Variants in KRIT1 observed in about 807,000 individuals in gnomAD.
KRIT1 encodes KRIT1 ankyrin repeat containing.
KRIT1 carries 45 observed loss-of-function variants against 95.8 expected under a neutral mutation model. That is an observed-to-expected ratio of 0.47 (90% CI 0.37 to 0.60). The LOEUF (loss-of-function observed/expected upper bound fraction) is 0.60. Ranked by LOEUF, KRIT1 falls within the 20% of genes least tolerant of loss-of-function variation. KRIT1 has a pLI of 0.00. For synonymous variants in KRIT1, 282 were observed against 278.8 expected (o/e 1.01, Z -0.11); for missense variants, 788 against 877.5 (o/e 0.90, Z 1.29).
At chr7:92,243,726 CTAAGAT>C (rs1207962754) in intron 3 of KRIT1, among the ~76,000 whole-genome samples, 15 of 151,588 alleles carry the variant, frequency 9.9e-5, no homozygotes, top group African/African-American at 3.6e-4. Context: ...AAACTTTAGC[CTAAGAT>C]TAAAACAACC....
chr7:92,233,496 T>C (rs942117792), intron 10 of KRIT1, among the ~76,000 whole-genome samples: 18 of 151,110 alleles, frequency 1.2e-4, no homozygotes, highest in Non-Finnish European at 8.8e-5. Context: ...AATCTCTGCC[T>C]CCCTGGTTCA....
chr7:92,234,938 C>G lies in KRIT1; in HGVS notation c.730-15G>C, dbSNP rs372964375. The G allele has an allele frequency of 2.3e-5, 28 of 1,197,632 alleles. No individual in the cohort carries two copies. The highest frequency in any genetic ancestry group is 3.1e-5 in the Non-Finnish European group (25 of 800,396). 74.2% of individuals were successfully genotyped at this position (1,197,632 alleles called of 1,614,324 possible). On this transcript the variant is annotated splice_polypyrimidine_tract_variant and intron_variant, in intron 8 of 18. Coordinates refer to ENST00000394505, the MANE Select transcript of KRIT1 (RefSeq NM_194454.3). ...ACTTTATCTACCTAGAAAGGGAAAA[C>G]AATAACAAAAACCCATTAAGAGCTT... is the stretch of plus-strand genomic sequence containing the variant.
intron 17 of KRIT1, among the ~76,000 whole-genome samples, chr7:92,208,278 T>C (rs955136658): frequency 2.0e-5 from 3 of 150,968 alleles, no homozygotes; most frequent in African/African-American, 7.3e-5. Flanking sequence ...CACTTAACGA[T>C]GCACCTCAAG....
At chr7:92,226,747 A>G in intron 10 of KRIT1, 65 bp from the exon 11 acceptor site, 1 of 1,491,948 alleles carries the variant, frequency 6.7e-7, no homozygotes, top group Non-Finnish European at 9.2e-7. Flanking sequence ...AGATCATCTG[A>G]AATGTTTTTA....
chr7:92,232,325 A>G (rs190982402), intron 10 of KRIT1, among the ~76,000 whole-genome samples: 98 of 152,260 alleles, frequency 6.4e-4, no homozygotes, highest in African/African-American at 2.2e-3. Context: ...GGAAGGTACC[A>G]TTTTTAAGCC....
intron 17 of KRIT1, among the ~76,000 whole-genome samples, chr7:92,212,148 C>CA (rs1792996447): frequency 1.3e-5 from 2 of 151,894 alleles, no homozygotes; most frequent in South Asian, 4.1e-4. Flanking sequence ...ATGTGAAAAA[C>CA]AAAAAACAAG....
chr7:92,225,093 C>A (rs897662623), intron 12 of KRIT1, among the ~76,000 whole-genome samples: 4 of 151,820 alleles, frequency 2.6e-5, no homozygotes, highest in African/African-American at 7.3e-5. Flanking sequence ...GCAGAGGTTG[C>A]GGTGAGCTGA....
chr7:92,201,632 C>A (rs954780514), intron 17 of KRIT1: 6 of 501,298 alleles, frequency 1.2e-5, no homozygotes, highest in African/African-American at 5.9e-5. Context: ...GTTTGCTGCA[C>A]CCATCAACCC....
At chr7:92,238,747 T>G (rs1257255116) in intron 5 of KRIT1, among the ~76,000 whole-genome samples, 3 of 152,214 alleles carry the variant, frequency 2.0e-5, no homozygotes, top group Admixed American at 6.5e-5. Context: ...GATCTGTCAG[T>G]GGGGCAGGGA....
chr7:92,213,148 T>C, intron 17 of KRIT1, 47 bp downstream of exon 17: 1 of 1,331,630 alleles, frequency 7.5e-7, no homozygotes. Flanking sequence ...GTACTGTTGT[T>C]TTAACTATTA....
chr7:92,222,409 A>G (rs186435796), intron 13 of KRIT1, among the ~76,000 whole-genome samples: 3 of 152,326 alleles, frequency 2.0e-5, no homozygotes, highest in Admixed American at 1.3e-4. Context: ...TATGTGTAAT[A>G]CTTTGAAGAA....
intron 5 of KRIT1, among the ~76,000 whole-genome samples, chr7:92,240,278 A>G (rs1394174020): frequency 6.6e-6 from 1 of 152,186 alleles, no homozygotes; most frequent in Admixed American, 6.5e-5. Flanking sequence ...TGAATCAGAT[A>G]ACTAATCCCT....
intron 17 of KRIT1, among the ~76,000 whole-genome samples, chr7:92,205,117 C>G (rs1791141681): frequency 6.6e-6 from 1 of 152,166 alleles, no homozygotes; most frequent in South Asian, 2.1e-4. Context: ...GAGGGCGAGG[C>G]AGTCGGATCA....
Position 92,231,018 on chromosome 7 carries a change from CA to C in KRIT1, c.989+3430del, listed in dbSNP as rs755901029. On this transcript the variant is annotated intron_variant, in intron 10 of 18. Transcript: ENST00000394505. ...TTGGATGAAATAATTTGTAGGAAGC[CA>C]AATCATCACAGTTTGAAAAACACTA... Among the ~76,000 whole-genome samples, 7 of 152,126 alleles carry C rather than the reference CA, an allele frequency of 4.6e-5. No individual in the cohort carries two copies. The East Asian group carries it at 1.2e-3, about 25-fold the overall frequency.
intron 17 of KRIT1, among the ~76,000 whole-genome samples, chr7:92,207,175 A>C (rs1427481904): frequency 1.3e-5 from 2 of 152,132 alleles, no homozygotes; most frequent in Non-Finnish European, 2.9e-5. Flanking sequence ...AAGCAGATCT[A>C]ACCTAAAAAG....
intron 14 of KRIT1, 128 bp downstream of exon 14, chr7:92,221,774 G>T: frequency 3.9e-6 from 3 of 767,240 alleles, no homozygotes; most frequent in Non-Finnish European, 6.5e-6. Context: ...CTGAAACTCC[G>T]CCAATTATCA....
At position 92,241,161 on chromosome 7, in the gene KRIT1, A is replaced by T. The variant is rs1424591498; in HGVS notation, c.103-9T>A. ...ACTTCATGCAACAAAATCTTAGATGAGAAAAACATTAAGAGAAAGCTTAAA... is the reference window on the plus strand; with the variant it reads ...ACTTCATGCAACAAAATCTTAGATGTGAAAAACATTAAGAGAAAGCTTAAA... On this transcript the variant is annotated splice_polypyrimidine_tract_variant and intron_variant, in intron 4 of 18. Transcript: ENST00000394505. 1.9e-6 allele frequency: 3 copies of T among 1,588,846 alleles called. No homozygotes were observed. Among genetic ancestry groups the T allele is most frequent in the Middle Eastern group, 1.7e-4 (1 of 5,878 alleles).
intron 7 of KRIT1, chr7:92,235,958 A>G: frequency 3.8e-6 from 1 of 263,276 alleles, no homozygotes; most frequent in Non-Finnish European, 7.3e-6. Flanking sequence ...GTTAATGGAT[A>G]CAGCAAATAA....
chr7:92,205,105 G>T (rs1253950269), intron 17 of KRIT1, among the ~76,000 whole-genome samples: 1 of 152,188 alleles, frequency 6.6e-6, no homozygotes, highest in East Asian at 1.9e-4. Context: ...CCAGCACTTT[G>T]GGAGGGCGAG....
Sources: allele counts gnomAD v4.1 joint callset (sites outside exome capture counted in the v4.1 genomes callset), GRCh38; gene constraint gnomAD v4.1.1; transcripts MANE v1.5; gene names NCBI Gene and HGNC (gene_info 2026-07-23, HGNC 2026-07-21).